The following LHFPL6 variants were observed in gnomAD, a reference collection of about 807,000 sequenced individuals.
LHFPL6 encodes the protein LHFPL tetraspan subfamily member 6.
Under a neutral mutation model 20.6 loss-of-function variants are expected in LHFPL6, and 9 were observed. The observed-to-expected ratio is 0.44, with a 90% CI of 0.26 to 0.76. The LOEUF is 0.76. Ranked by LOEUF, LHFPL6 falls within the 30% of genes least tolerant of loss-of-function variation. The probability of loss-of-function intolerance (pLI) is 0.20; values close to 1 mark genes in which losing one functional copy is unlikely to be tolerated. For missense variants in LHFPL6, 218 were observed against 253.5 expected (o/e 0.86, Z 0.95); for synonymous variants, 105 against 98.7 (o/e 1.06, Z -0.38).
In LHFPL6 at chr13:39,420,052, C is replaced by T. The variant is rs535144130; in HGVS notation, c.386-41526G>A. Among the ~76,000 whole-genome samples, 3 of 152,282 alleles carry T rather than the reference C, an allele frequency of 2.0e-5. No individual in the cohort carries two copies. In the South Asian group the frequency reaches 6.2e-4, roughly 32 times the overall value. On this transcript the variant is annotated intron_variant, in intron 2 of 3. Transcript: ENST00000379589. ...AGGTCTGGATCACCAGCTGTGTTTG[C>T]ACCTGCTTAGCTGCCCCTGGCCTTT...
At chr13:39,478,271 T>G (rs1022168804) in intron 2 of LHFPL6, among the ~76,000 whole-genome samples, 1 of 152,062 alleles carries the variant, frequency 6.6e-6, no homozygotes, top group Non-Finnish European at 1.5e-5. Context: ...GATTTTCCTT[T>G]TGGAAACCAG....
In LHFPL6 at chr13:39,432,056, A is replaced by G. The variant is rs368551947; in HGVS notation, c.386-53530T>C. Reference sequence around the variant, plus strand: ...GTGCCTTATAAAAGGGCTGGAAGGAACCCAGCTTGGGTCCCTTTTACCCTT... The same window carrying G: ...GTGCCTTATAAAAGGGCTGGAAGGAGCCCAGCTTGGGTCCCTTTTACCCTT... On this transcript the variant is annotated intron_variant, in intron 2 of 3. Transcript: ENST00000379589. Among the ~76,000 whole-genome samples, 186 of 152,192 alleles carry G rather than the reference A, an allele frequency of 1.2e-3. 6 individuals carry two copies. The South Asian group carries it at 0.038, about 31-fold the overall frequency.
intron 2 of LHFPL6, among the ~76,000 whole-genome samples, chr13:39,507,144 A>T (rs1869513066): frequency 6.6e-6 from 1 of 152,228 alleles, no homozygotes; most frequent in Admixed American, 6.5e-5. Flanking sequence ...TAAAAATAAC[A>T]TGATGCGTAA....
intron 2 of LHFPL6, among the ~76,000 whole-genome samples, chr13:39,422,990 C>T (rs1871537882): frequency 6.6e-6 from 1 of 152,116 alleles, no homozygotes; most frequent in African/African-American, 2.4e-5. Context: ...CTCATGAGAA[C>T]TCACTCACTA....
At chr13:39,436,311 T>C (rs866229287) in intron 2 of LHFPL6, among the ~76,000 whole-genome samples, 20 of 152,334 alleles carry the variant, frequency 1.3e-4, no homozygotes, top group Middle Eastern at 6.8e-3. Context: ...TCAGTAAAGT[T>C]GTGAAATTAT....
chr13:39,450,554 T>C (rs1221124115), intron 2 of LHFPL6, among the ~76,000 whole-genome samples: 1 of 152,164 alleles, frequency 6.6e-6, no homozygotes, highest in Non-Finnish European at 1.5e-5. Flanking sequence ...AAGAGATATC[T>C]GTGTCTCTCT....
chr13:39,349,473 T>C (rs1189843907), intron 3 of LHFPL6, among the ~76,000 whole-genome samples: 1 of 152,192 alleles, frequency 6.6e-6, no homozygotes, highest in Non-Finnish European at 1.5e-5. Context: ...TCTCAATTTA[T>C]TCATTGATTC....
chr13:39,488,651 T>C (rs9576823), intron 2 of LHFPL6, among the ~76,000 whole-genome samples: 33,185 of 151,986 alleles, frequency 0.22, 5,567 homozygotes, highest in East Asian at 0.72. Flanking sequence ...GATCATGTAA[T>C]GCATAATTAT....
chr13:39,547,727 T>C (rs1320101552), intron 2 of LHFPL6, among the ~76,000 whole-genome samples: 1 of 152,110 alleles, frequency 6.6e-6, no homozygotes. Flanking sequence ...CCATACTTAA[T>C]GTTTCCAAGC....
At chr13:39,418,821 T>C (rs1223313315) in intron 2 of LHFPL6, among the ~76,000 whole-genome samples, 1 of 152,186 alleles carries the variant, frequency 6.6e-6, no homozygotes, top group Non-Finnish European at 1.5e-5. Context: ...AACATGAAAT[T>C]TCTGCTGTGA....
chr13:39,572,197 C>A (rs748163584), intron 2 of LHFPL6, among the ~76,000 whole-genome samples: 1 of 151,856 alleles, frequency 6.6e-6, no homozygotes, highest in African/African-American at 2.4e-5. Context: ...ATATTGCATA[C>A]AATCAAATAT....
At chr13:39,399,041 C>T (rs1870915175) in intron 2 of LHFPL6, among the ~76,000 whole-genome samples, 1 of 152,144 alleles carries the variant, frequency 6.6e-6, no homozygotes, top group African/African-American at 2.4e-5. Context: ...GCCAACCTAC[C>T]CTACAACTCC....
At chr13:39,440,283 T>C (rs1420450590) in intron 2 of LHFPL6, among the ~76,000 whole-genome samples, 1 of 152,164 alleles carries the variant, frequency 6.6e-6, no homozygotes, top group East Asian at 1.9e-4. Context: ...ATAGTTTTAC[T>C]CTGGGTTAGC....
intron 2 of LHFPL6, among the ~76,000 whole-genome samples, chr13:39,378,862 C>G (rs1433834337): frequency 3.3e-5 from 5 of 152,156 alleles, no homozygotes; most frequent in African/African-American, 9.7e-5. Flanking sequence ...TCCATGCAAA[C>G]AAGTATTTCA....
chr13:39,596,122 A>G (rs948525459), intron 2 of LHFPL6, among the ~76,000 whole-genome samples: 15 of 152,090 alleles, frequency 9.9e-5, no homozygotes, highest in Admixed American at 2.0e-4. Flanking sequence ...TATAATTCAT[A>G]TATTATAACA....
At chr13:39,541,156 C>T (rs1356973420) in intron 2 of LHFPL6, among the ~76,000 whole-genome samples, 6 of 152,130 alleles carry the variant, frequency 3.9e-5, no homozygotes, top group Non-Finnish European at 8.8e-5. Context: ...CTGGGAAGCC[C>T]AGTATTGCTC....
chr13:39,384,706 C>A (rs1275715865), intron 2 of LHFPL6, among the ~76,000 whole-genome samples: 1 of 152,148 alleles, frequency 6.6e-6, no homozygotes, highest in Non-Finnish European at 1.5e-5. Context: ...GCCTAATTTG[C>A]TTCTGGGGAG....
At chr13:39,535,548 C>G (rs1444268909) in intron 2 of LHFPL6, among the ~76,000 whole-genome samples, 2 of 152,146 alleles carry the variant, frequency 1.3e-5, no homozygotes, top group African/African-American at 2.4e-5. Flanking sequence ...CAGAAAGTGG[C>G]TATTTTTGTA....
intron 2 of LHFPL6, among the ~76,000 whole-genome samples, chr13:39,547,750 T>G (rs1477919647): frequency 1.3e-5 from 2 of 152,092 alleles, no homozygotes; most frequent in African/African-American, 2.4e-5. Flanking sequence ...TTTAAAAAAT[T>G]TATTCCTTTT....
Sources: allele counts gnomAD v4.1 joint callset (sites outside exome capture counted in the v4.1 genomes callset), GRCh38; gene constraint gnomAD v4.1.1; transcripts MANE v1.5; gene names NCBI Gene and HGNC (gene_info 2026-07-23, HGNC 2026-07-21).